Variants in DOP1A observed in about 807,000 individuals in gnomAD.
The protein encoded by DOP1A is DOP1 leucine zipper like protein A.
A neutral mutation model predicts 267.6 loss-of-function variants in DOP1A; 90 were observed. The observed-to-expected ratio is 0.34, with a 90% confidence interval of 0.28 to 0.40. The LOEUF (loss-of-function observed/expected upper bound fraction) is 0.40. Among genes scored for constraint, DOP1A ranks in the 10% least tolerant of loss-of-function variants. The pLI is 1.00. For missense variants in DOP1A, 2,437 were observed against 2,900.4 expected (o/e 0.84, Z 3.67); for synonymous variants, 932 against 999.1 (o/e 0.93, Z 1.27).
At chr6:83,141,518 C>T (rs1253805446) in intron 23 of DOP1A, among the ~76,000 whole-genome samples, 1 of 152,142 alleles carries the variant, frequency 6.6e-6, no homozygotes, top group African/African-American at 2.4e-5. Context: ...AACATTTGAT[C>T]TAAGTTTTGA....
intron 1 of DOP1A, among the ~76,000 whole-genome samples, chr6:83,070,438 A>G (rs1785394893): frequency 1.3e-5 from 2 of 152,150 alleles, no homozygotes; most frequent in Admixed American, 1.3e-4. Flanking sequence ...ATAGTATCAA[A>G]TTTATTAAGG....
chr6:83,164,563 G>A, intron 38 of DOP1A: 1 of 1,120,462 alleles, frequency 8.9e-7, no homozygotes, highest in Non-Finnish European at 1.3e-6. Flanking sequence ...TGATTGAAAG[G>A]CATCTTCCCA....
At chr6:83,102,351 G>A (rs1005021107) in intron 4 of DOP1A, among the ~76,000 whole-genome samples, 1 of 152,184 alleles carries the variant, frequency 6.6e-6, no homozygotes, top group Admixed American at 6.5e-5. Context: ...AGATGGCAGG[G>A]TCAAACTAGC....
At chr6:83,112,076 C>T (rs1163888387) in intron 6 of DOP1A, among the ~76,000 whole-genome samples, 1 of 152,056 alleles carries the variant, frequency 6.6e-6, no homozygotes, top group South Asian at 2.1e-4. Flanking sequence ...TGTTACATTT[C>T]TTTTGAATAA....
At chr6:83,145,363 T>C (rs1780469493) in intron 24 of DOP1A, among the ~76,000 whole-genome samples, 161 bp from the exon 25 acceptor site, 1 of 139,416 alleles carries the variant, frequency 7.2e-6, no homozygotes, top group South Asian at 2.3e-4. Flanking sequence ...AGGAGGATCA[T>C]TTTGAGCACA....
chr6:83,077,950 G>A (rs1307064025), intron 1 of DOP1A, among the ~76,000 whole-genome samples: 1 of 152,206 alleles, frequency 6.6e-6, no homozygotes, highest in East Asian at 1.9e-4. Context: ...GTTCTGGGCT[G>A]TGGGTTGGAC....
chr6:83,125,870 C>CTT, intron 15 of DOP1A, 137 bp downstream of exon 15: 2 of 737,372 alleles, frequency 2.7e-6, no homozygotes, highest in South Asian at 2.4e-5. Context: ...TGTTAGTAGG[C>CTT]TTGTAGGCTT....
downstream of DOP1A, chr6:83,169,958 T>G (rs1297110519): frequency 5.2e-6 from 2 of 382,414 alleles, no homozygotes; most frequent in African/African-American, 4.2e-5. Context: ...AGCTGGTTGT[T>G]TTCATGTCAC....
chr6:83,144,634 G>A (rs1280087263), intron 24 of DOP1A, among the ~76,000 whole-genome samples: 1 of 151,980 alleles, frequency 6.6e-6, no homozygotes, highest in Non-Finnish European at 1.5e-5. Context: ...AATGTTGAGA[G>A]GATAGGTAGA....
In DOP1A at chr6:83,100,768, G is replaced by C; in HGVS notation, c.202G>C (p.Ala68Pro). 1 of 1,591,236 alleles carries C rather than the reference G, an allele frequency of 6.3e-7. No homozygotes were observed. The highest frequency in any genetic ancestry group is 8.6e-7 in the Non-Finnish European group (1 of 1,167,360). Residue 68 changes from alanine to proline, a missense_variant, in exon 4 of 39, where the codon GCT (alanine) becomes CCT (proline). Coordinates refer to ENST00000349129, the MANE Select transcript of DOP1A (RefSeq NM_015018.4). ...AAAGCTGACCATAGGCAAACGCCTA[G>C]CTCAATGTCTACATCCAGCATTACC... ...PKKLTIGKRL[A>P]QCLHPALPGG... is the part of the protein sequence containing the mutation.
At position 83,147,303 on chromosome 6, in the gene DOP1A, G is replaced by A; in HGVS notation, c.5732+12G>A. 7.0e-7 allele frequency: 1 copy of A among 1,421,958 alleles called. No homozygotes were observed. 88.1% of individuals were successfully genotyped at this position (1,421,958 alleles called of 1,614,324 possible). On this transcript the variant is annotated intron_variant, in intron 26 of 38. Transcript: ENST00000349129. Reference sequence around the variant, plus strand: ...GCTTATATTCAAAGGTAAGATTACTGATATTGATCTGTCCTTACTATGTTG... The same window carrying A: ...GCTTATATTCAAAGGTAAGATTACTAATATTGATCTGTCCTTACTATGTTG...
chr6:83,091,908 G>A (rs1303226668), intron 1 of DOP1A, among the ~76,000 whole-genome samples: 1 of 152,088 alleles, frequency 6.6e-6, no homozygotes, highest in East Asian at 1.9e-4. Context: ...CGAATTTTAT[G>A]TGCTTTCAGA....
Position 83,125,279 on chromosome 6 carries a change from T to G in DOP1A, c.1485+84T>G, listed in dbSNP as rs1038839740. The G allele has an allele frequency of 3.0e-6, 4 of 1,352,462 alleles. No individual in the cohort carries two copies. The African/African-American group carries it at 4.5e-5, about 15-fold the overall frequency. The allele number at this position is 1,352,462 out of a possible 1,614,324, so 83.8% of individuals were successfully genotyped here. On this transcript the variant is annotated intron_variant, in intron 14 of 38. Coordinates refer to ENST00000349129, the MANE Select transcript of DOP1A (RefSeq NM_015018.4). ...ATTTTAGTAATGTAGCAGATAAAAC[T>G]GGGGTTATTTTATAATATATGCTTT...
intron 37 of DOP1A, among the ~76,000 whole-genome samples, chr6:83,160,871 T>C (rs184111777): frequency 1.8e-4 from 27 of 152,234 alleles, no homozygotes; most frequent in Non-Finnish European, 3.2e-4. Flanking sequence ...GCTCCAAAAT[T>C]TGCTATTTTA....
chr6:83,163,238 A>G (rs1784653473), intron 38 of DOP1A, among the ~76,000 whole-genome samples: 1 of 152,198 alleles, frequency 6.6e-6, no homozygotes, highest in South Asian at 2.1e-4. Context: ...CATACATGTG[A>G]GTATTTAAGA....
Position 83,140,013 on chromosome 6 carries a change from G to C in DOP1A, c.5134G>C (p.Ala1712Pro). The change falls in exon 22 of 39, where the codon GCA (alanine) becomes CCA (proline). Residue 1712 changes from alanine to proline, a missense_variant. By Grantham distance (27) the Ala-to-Pro change is conservative. Transcript: ENST00000349129. ...GLSDSRPLWM[A>P]SIIPPDMILT... Reference sequence around the variant, plus strand: ...ATTTTACTTCAGGCCTCTGTGGATGGCATCAATTATTCCACCAGATATGAT... The same window carrying C: ...ATTTTACTTCAGGCCTCTGTGGATGCCATCAATTATTCCACCAGATATGAT... 6.2e-7 allele frequency: 1 copy of C among 1,612,324 alleles called. No individual in the cohort carries two copies. Among genetic ancestry groups the C allele is most frequent in the Non-Finnish European group, 8.5e-7 (1 of 1,178,860 alleles).
At position 83,122,818 on chromosome 6, in the gene DOP1A, A is replaced by T. The variant is rs1776565452; in HGVS notation, c.1221-45A>T. 4 of 1,361,040 alleles carry T rather than the reference A, an allele frequency of 2.9e-6. No homozygotes were observed. In the East Asian group the frequency reaches 1.1e-4, roughly 39 times the overall value. The allele number at this position is 1,361,040 out of a possible 1,614,324, so 84.3% of individuals were successfully genotyped here. On this transcript the variant is annotated intron_variant, in intron 11 of 38. Transcript: ENST00000349129. ...ACTCAAATTTAAATTTGAAAAAACAAATGTTAATATTTTTTAGTTTTTGTT... is the reference window on the plus strand; with the variant it reads ...ACTCAAATTTAAATTTGAAAAAACATATGTTAATATTTTTTAGTTTTTGTT...
At chr6:83,113,288 A>G (rs1257311842) in intron 6 of DOP1A, 35 bp from the exon 7 acceptor site, 5 of 1,555,954 alleles carry the variant, frequency 3.2e-6, no homozygotes, top group Non-Finnish European at 4.4e-6. Context: ...TCTCAGCATA[A>G]TAGACAATAG....
At chr6:83,087,395 T>C (rs564606324) in intron 1 of DOP1A, among the ~76,000 whole-genome samples, 5 of 152,158 alleles carry the variant, frequency 3.3e-5, no homozygotes, top group Non-Finnish European at 5.9e-5. Context: ...CTCCAATGTT[T>C]AGTTGCTCAT....
Sources: gnomAD v4.1 joint callset for allele counts (sites outside exome capture counted in the v4.1 genomes callset) on GRCh38, gnomAD v4.1.1 for gene constraint, MANE v1.5 for transcripts, NCBI Gene and HGNC (gene_info 2026-07-23, HGNC 2026-07-21) for gene names.